TBC1D5: variants seen among roughly 807,000 people sequenced by gnomAD.
TBC1D5 encodes the protein TBC1 domain family, member 5.
Under a neutral mutation model 100.3 loss-of-function variants are expected in TBC1D5, and 75 were observed. That is an observed-to-expected ratio of 0.75 (90% CI 0.62 to 0.91). The LOEUF (loss-of-function observed/expected upper bound fraction) is 0.91. Ranked by LOEUF, TBC1D5 falls within the 40% of genes least tolerant of loss-of-function variation. The probability of loss-of-function intolerance (pLI) is 0.00; values close to 1 mark genes in which losing one functional copy is unlikely to be tolerated. For missense variants in TBC1D5, 910 were observed against 942.4 expected (o/e 0.97, Z 0.45); for synonymous variants, 323 against 325.6 (o/e 0.99, Z 0.09).
At chr3:17,312,708 G>C (rs563044952) in intron 13 of TBC1D5, among the ~76,000 whole-genome samples, 24 of 152,280 alleles carry the variant, frequency 1.6e-4, no homozygotes, top group Non-Finnish European at 3.2e-4. Flanking sequence ...CCAAAAATAA[G>C]TTCCTAATAA....
intron 1 of TBC1D5, among the ~76,000 whole-genome samples, chr3:17,672,111 C>T (rs1398250173): frequency 6.6e-6 from 1 of 152,154 alleles, no homozygotes; most frequent in Non-Finnish European, 1.5e-5. Context: ...TTTGAGAGTG[C>T]ACCACAACCC....
At chr3:17,449,734 A>AG (rs757220905) in intron 3 of TBC1D5, among the ~76,000 whole-genome samples, 1 of 152,174 alleles carries the variant, frequency 6.6e-6, no homozygotes, top group Non-Finnish European at 1.5e-5. Context: ...AGCCCCAGTT[A>AG]GGGGCTTATA....
chr3:17,227,801 C>G (rs540674146), intron 17 of TBC1D5, among the ~76,000 whole-genome samples: 1 of 150,846 alleles, frequency 6.6e-6, no homozygotes, highest in Non-Finnish European at 1.5e-5. Flanking sequence ...CCATGCCACA[C>G]GTTTACCTAT....
At position 17,703,231 on chromosome 3, in the gene TBC1D5, AT is replaced by A. The variant is rs140179903; in HGVS notation, c.-101+36111del. 4.2e-3 allele frequency among the ~76,000 whole-genome samples: 637 copies of A among 152,168 alleles called. 4 individuals are homozygous for A. Among genetic ancestry groups the A allele is most frequent in the African/African-American group, 0.014 (574 of 41,562 alleles). ...ATAGTGCCTTCTGAGTTTTTACTCA[AT>A]TATAATTACATTTGTACATATGTTT... On this transcript the variant is annotated intron_variant, in intron 1 of 21. Transcript: ENST00000253692.
rs536073600 is a variant in TBC1D5 at position 17,513,950 on chromosome 3, A to G, written c.-35-5345T>C. On this transcript the variant is annotated intron_variant, in intron 2 of 21. Transcript: ENST00000253692. ...TTAAAAAAACATTTTTTATTTAGAA[A>G]TGTTGGTAGCTAAAGGTAAATTCAA... 3.5e-3 allele frequency among the ~76,000 whole-genome samples: 540 copies of G among 152,328 alleles called. 4 individuals carry two copies. Among genetic ancestry groups the G allele is most frequent in the African/African-American group, 0.012 (512 of 41,578 alleles).
intron 3 of TBC1D5, among the ~76,000 whole-genome samples, chr3:17,474,173 T>C (rs905954598): frequency 3.3e-5 from 5 of 152,178 alleles, no homozygotes; most frequent in Non-Finnish European, 5.9e-5. Flanking sequence ...GTTAATCACC[T>C]TGTAAAAACT....
At chr3:17,557,348 AAT>A (rs1394790576) in intron 2 of TBC1D5, among the ~76,000 whole-genome samples, 1 of 152,210 alleles carries the variant, frequency 6.6e-6, no homozygotes, top group Admixed American at 6.5e-5. Flanking sequence ...GCTTACATAA[AAT>A]AACATTCCAT....
chr3:17,635,002 C>A (rs200505248), intron 1 of TBC1D5, among the ~76,000 whole-genome samples: 1 of 151,844 alleles, frequency 6.6e-6, no homozygotes, highest in African/African-American at 2.4e-5. Context: ...GATATAGAAA[C>A]AAAAAAATTT....
chr3:17,259,717 G>A (rs935145539), intron 15 of TBC1D5, among the ~76,000 whole-genome samples: 1 of 151,626 alleles, frequency 6.6e-6, no homozygotes, highest in Non-Finnish European at 1.5e-5. Context: ...AGGCACGGGG[G>A]GGGTTGCGGG....
chr3:17,263,190 A>C (rs939879965), intron 15 of TBC1D5, among the ~76,000 whole-genome samples: 1 of 151,866 alleles, frequency 6.6e-6, no homozygotes, highest in African/African-American at 2.4e-5. Context: ...GGTGACTGCG[A>C]GATCCTATCT....
intron 2 of TBC1D5, among the ~76,000 whole-genome samples, chr3:17,545,465 C>T (rs1307471109): frequency 6.6e-6 from 1 of 152,192 alleles, no homozygotes; most frequent in Non-Finnish European, 1.5e-5. Flanking sequence ...TTACGACAGT[C>T]CTAGCAAACC....
At chr3:17,303,457 C>T (rs2083067276) in intron 14 of TBC1D5, among the ~76,000 whole-genome samples, 1 of 152,164 alleles carries the variant, frequency 6.6e-6, no homozygotes, top group Non-Finnish European at 1.5e-5. Context: ...TGGTGCCAGG[C>T]TCATTACATT....
At chr3:17,274,592 T>A (rs1034586284) in intron 15 of TBC1D5, among the ~76,000 whole-genome samples, 1 of 152,170 alleles carries the variant, frequency 6.6e-6, no homozygotes, top group African/African-American at 2.4e-5. Context: ...TTCTTGGGTT[T>A]ACGAAAATCA....
intron 8 of TBC1D5, among the ~76,000 whole-genome samples, chr3:17,387,647 T>C (rs968604283): frequency 1.3e-5 from 2 of 151,868 alleles, no homozygotes; most frequent in African/African-American, 4.8e-5. Context: ...CTCATTACAC[T>C]TCTAGGTTTT....
At chr3:17,675,005 C>G (rs2153794248) in intron 1 of TBC1D5, among the ~76,000 whole-genome samples, 1 of 152,136 alleles carries the variant, frequency 6.6e-6, no homozygotes, top group Non-Finnish European at 1.5e-5. Flanking sequence ...ACAGCAGAAA[C>G]TTACTATCTA....
chr3:17,503,251 A>C (rs1424900363), intron 3 of TBC1D5, among the ~76,000 whole-genome samples: 1 of 149,606 alleles, frequency 6.7e-6, no homozygotes, highest in Non-Finnish European at 1.5e-5. Flanking sequence ...AACTCTTTAC[A>C]ATCATCTGGC....
At chr3:17,663,608 G>A (rs375374027) in intron 1 of TBC1D5, among the ~76,000 whole-genome samples, 18 of 152,102 alleles carry the variant, frequency 1.2e-4, no homozygotes, top group Non-Finnish European at 1.6e-4. Context: ...CAAAATTGCT[G>A]GTGGAAATGA....
intron 15 of TBC1D5, among the ~76,000 whole-genome samples, chr3:17,263,888 TA>T (rs2078595069): frequency 6.6e-6 from 1 of 152,186 alleles, no homozygotes; most frequent in South Asian, 2.1e-4. Flanking sequence ...TCAAAATAGA[TA>T]AAAACTGAAA....
intron 13 of TBC1D5, among the ~76,000 whole-genome samples, chr3:17,326,885 CA>C (rs2086222356): frequency 6.6e-6 from 1 of 152,198 alleles, no homozygotes; most frequent in Non-Finnish European, 1.5e-5. Flanking sequence ...TCTAGTTGCT[CA>C]GGAGCCAAAA....
Sources: allele counts gnomAD v4.1 joint callset (sites outside exome capture counted in the v4.1 genomes callset), GRCh38; gene constraint gnomAD v4.1.1; transcripts MANE v1.5; gene names NCBI Gene and HGNC (gene_info 2026-07-23, HGNC 2026-07-21).